Variants in HDAC4 observed in about 807,000 individuals in gnomAD.
The protein encoded by HDAC4 is histone deacetylase A.
In HDAC4, 16 loss-of-function variants were observed where a neutral mutation model predicts 135.1. The observed-to-expected ratio is 0.12, with a 90% CI of 0.08 to 0.18. HDAC4 has a LOEUF of 0.18. HDAC4 is among the 10% of genes least tolerant of loss of function. HDAC4 has a pLI of 1.00. For synonymous variants in HDAC4, 685 were observed against 653.4 expected (o/e 1.05, Z -0.74); for missense variants, 1,143 against 1,511.8 (o/e 0.76, Z 4.05).
At chr2:239,328,339 C>T (rs1052937987) in intron 2 of HDAC4, among the ~76,000 whole-genome samples, 4 of 152,186 alleles carry the variant, frequency 2.6e-5, no homozygotes, top group African/African-American at 7.2e-5. Flanking sequence ...TCCGGGACCT[C>T]CTGACGATCT....
intron 1 of HDAC4, among the ~76,000 whole-genome samples, chr2:239,354,805 T>C (rs750809732): frequency 9.9e-5 from 15 of 152,170 alleles, no homozygotes; most frequent in Non-Finnish European, 1.8e-4. Flanking sequence ...ATTCATCTCT[T>C]GGTCAGAAAG....
intron 9 of HDAC4, among the ~76,000 whole-genome samples, chr2:239,135,479 A>G (rs2040887660): frequency 6.6e-6 from 1 of 152,224 alleles, no homozygotes; most frequent in African/African-American, 2.4e-5. Context: ...TCTGAAACCC[A>G]ACAAATTGGC....
At chr2:239,079,082 G>C (rs2152674056) in intron 22 of HDAC4, among the ~76,000 whole-genome samples, 1 of 152,318 alleles carries the variant, frequency 6.6e-6, no homozygotes, top group East Asian at 1.9e-4. Context: ...TCCAAGGGGG[G>C]CCAGTTCTCT....
intron 24 of HDAC4, among the ~76,000 whole-genome samples, chr2:239,057,737 G>A (rs752964141): frequency 6.6e-6 from 1 of 152,182 alleles, no homozygotes; most frequent in Non-Finnish European, 1.5e-5. Flanking sequence ...TTGACCACAT[G>A]AGTGTTTTCC....
chr2:239,163,198 A>G (rs1040694105), intron 6 of HDAC4, among the ~76,000 whole-genome samples: 1 of 152,148 alleles, frequency 6.6e-6, no homozygotes, highest in Non-Finnish European at 1.5e-5. Flanking sequence ...GTTTCTTAGT[A>G]TAAAATAATA....
intron 2 of HDAC4, among the ~76,000 whole-genome samples, chr2:239,301,467 C>CTT (rs368766670): frequency 0.035 from 4,502 of 130,082 alleles, 242 homozygotes; most frequent in African/African-American, 0.11. Flanking sequence ...CTGGTGCTTT[C>CTT]TTTCTTTTTT....
At chr2:239,380,281 C>T (rs535369310) in intron 1 of HDAC4, among the ~76,000 whole-genome samples, 14 of 152,158 alleles carry the variant, frequency 9.2e-5, no homozygotes, top group Admixed American at 6.5e-4. Context: ...CACACACGTC[C>T]GTGCACACAT....
intron 2 of HDAC4, among the ~76,000 whole-genome samples, chr2:239,334,345 C>A (rs1691779863): frequency 6.6e-6 from 1 of 151,796 alleles, no homozygotes. Flanking sequence ...CATGGTGACG[C>A]CCCGTCTCTA....
chr2:239,156,799 T>C, intron 6 of HDAC4, 26 bp from the exon 7 acceptor site: 1 of 1,613,854 alleles, frequency 6.2e-7, no homozygotes, highest in Non-Finnish European at 8.5e-7. Flanking sequence ...AGACAGATGG[T>C]TTAGTTTACC....
intron 3 of HDAC4, among the ~76,000 whole-genome samples, chr2:239,198,182 C>T (rs1434527110): frequency 6.6e-6 from 1 of 152,180 alleles, no homozygotes; most frequent in Non-Finnish European, 1.5e-5. Flanking sequence ...TCTGTTTGCT[C>T]TCCACCGTCC....
intron 2 of HDAC4, among the ~76,000 whole-genome samples, chr2:239,347,505 T>C (rs373146429): frequency 1.1e-4 from 16 of 152,208 alleles, no homozygotes; most frequent in African/African-American, 3.6e-4. Context: ...TTACACACGT[T>C]TCCCACAAAA....
chr2:239,208,885 C>G (rs1321554528), intron 3 of HDAC4, among the ~76,000 whole-genome samples: 1 of 152,096 alleles, frequency 6.6e-6, no homozygotes, highest in African/African-American at 2.4e-5. Context: ...TATTGAAAGA[C>G]TTTTTTTCTT....
At chr2:239,108,295 G>A (rs1458741510) in intron 14 of HDAC4, 112 bp from the exon 15 acceptor site, 6 of 1,303,228 alleles carry the variant, frequency 4.6e-6, no homozygotes, top group East Asian at 2.5e-5. Flanking sequence ...AGAAGGAGAC[G>A]GAAGCTGGGA....
intron 12 of HDAC4, among the ~76,000 whole-genome samples, 168 bp downstream of exon 12, chr2:239,126,288 C>T (rs1179120854): frequency 1.3e-5 from 2 of 152,264 alleles, no homozygotes; most frequent in African/African-American, 2.4e-5. Context: ...TCTGCCCCTG[C>T]CCCTGCCCAG....
At chr2:239,096,396 C>A (rs2037053051) in intron 16 of HDAC4, among the ~76,000 whole-genome samples, 1 of 138,104 alleles carries the variant, frequency 7.2e-6, no homozygotes. Context: ...GCAACCTCCC[C>A]ACAGACGCCT....
intron 24 of HDAC4, among the ~76,000 whole-genome samples, chr2:239,062,266 C>T (rs1253831062): frequency 1.3e-5 from 2 of 152,278 alleles, no homozygotes; most frequent in Non-Finnish European, 2.9e-5. Context: ...GGCCCCTCTG[C>T]GCTTCCTGTC....
chr2:239,309,423 G>T lies in HDAC4; in HGVS notation c.22+43255C>A, dbSNP rs1447917328. On this transcript the variant is annotated intron_variant, in intron 2 of 26. Coordinates refer to ENST00000543185, the MANE Select transcript of HDAC4 (RefSeq NM_001378414.1). This position sits in a 1 kb window ranked among gnomAD's most constrained non-coding sequence, Gnocchi z 4.2. ...TCCAGGCTGAAACCCAGCACCTACA[G>T]CAAATGCCCAAGGAAGCAAGAAGCG... is the stretch of plus-strand genomic sequence containing the variant. Among the ~76,000 whole-genome samples the T allele has an allele frequency of 6.6e-6, 1 of 152,190 alleles. No individual in the cohort carries two copies. The highest frequency in any genetic ancestry group is 1.5e-5 in the Non-Finnish European group (1 of 68,040).
chr2:239,211,426 C>T (rs1035409662), intron 3 of HDAC4, among the ~76,000 whole-genome samples: 4 of 152,092 alleles, frequency 2.6e-5, no homozygotes, highest in African/African-American at 9.7e-5. Flanking sequence ...CAGGGTGGTC[C>T]GGGCCCCTGC....
In HDAC4 at chr2:239,235,221, T is replaced by C. The variant is rs999847737; in HGVS notation, c.94+1372A>G. On this transcript the variant is annotated intron_variant, in intron 3 of 26. Transcript: ENST00000543185. The stretch of plus-strand genomic sequence containing the variant: ...CACCCCCCAAGAGGCCAGGGGACCG[T>C]ACCCCACAGACACAGAGAGCCTTCC... Among the ~76,000 whole-genome samples, 45 of 152,168 alleles carry C rather than the reference T, an allele frequency of 3.0e-4. 1 individual carries two copies. Among genetic ancestry groups the C allele is most frequent in the Admixed American group, 1.2e-3 (18 of 15,292 alleles).
Sources: allele counts gnomAD v4.1 joint callset (sites outside exome capture counted in the v4.1 genomes callset), GRCh38; gene constraint gnomAD v4.1.1; non-coding constraint Gnocchi (gnomAD v3.1); transcripts MANE v1.5; gene names NCBI Gene and HGNC (gene_info 2026-07-23, HGNC 2026-07-21).